The following RTN4 variants were observed in gnomAD, a reference collection of about 807,000 sequenced individuals.
The protein encoded by RTN4 is reticulon-4.
In RTN4, 32 loss-of-function variants were observed where a neutral mutation model predicts 90.4. The ratio of observed to expected loss-of-function variants is 0.35; its 90% CI spans 0.27 to 0.48. The LOEUF (loss-of-function observed/expected upper bound fraction) is 0.48. RTN4 is among the 20% of genes least tolerant of loss of function. The pLI, the probability that RTN4 is intolerant of heterozygous loss-of-function variation, is 0.99. For synonymous variants in RTN4, 629 were observed against 552.5 expected, an observed-to-expected ratio of 1.14 and a Z score of -1.94; for missense variants, 1,706 against 1,430.2, an observed-to-expected ratio of 1.19 and a Z score of -3.11.
chr2:55,100,997 A>C lies in RTN4; in HGVS notation c.-214+11523T>G, dbSNP rs115159928. ...CATATTTGTCAAGAGGAAAGTGTGA[A>C]TAAATAATGGTAAATTTATGTAATA... is the stretch of plus-strand genomic sequence containing the variant. On this transcript the variant is annotated intron_variant, in intron 1 of 3. Coordinates refer to the RTN4 transcript ENST00000427710. Among the ~76,000 whole-genome samples the C allele has an allele frequency of 6.3e-3, 952 of 152,206 alleles. 5 individuals carry two copies. The highest frequency in any genetic ancestry group is 0.011 in the Non-Finnish European group (753 of 68,006).
intron 1 of RTN4, among the ~76,000 whole-genome samples, chr2:55,107,126 G>GA (rs1459914146): frequency 2.0e-5 from 3 of 151,248 alleles, no homozygotes; most frequent in Admixed American, 2.0e-4. Context: ...AGATATTAAT[G>GA]AAACACTTCA....
chr2:55,102,819 C>T (rs1667874168), intron 1 of RTN4, among the ~76,000 whole-genome samples: 1 of 152,072 alleles, frequency 6.6e-6, no homozygotes, highest in Non-Finnish European at 1.5e-5. Context: ...CTTTATTAAT[C>T]TAAGAAGTTA....
At chr2:55,122,549 C>T in the RTN4 span, among the ~76,000 whole-genome samples, 4 of 152,134 alleles carry the variant, frequency 2.6e-5, no homozygotes, top group Non-Finnish European at 4.4e-5. Context: ...TTGTAAGTGA[C>T]GTCTGATGAG....
intron 1 of RTN4, among the ~76,000 whole-genome samples, chr2:55,082,934 G>C (rs1311292410): frequency 6.6e-6 from 1 of 152,000 alleles, no homozygotes; most frequent in Non-Finnish European, 1.5e-5. Context: ...TTGGGCAACA[G>C]AACGAGACTC....
At chr2:55,126,342 C>T in the RTN4 span, among the ~76,000 whole-genome samples, 3 of 151,390 alleles carry the variant, frequency 2.0e-5, no homozygotes, top group Non-Finnish European at 4.4e-5. Context: ...GCATTCCAGC[C>T]TGGGAAACAA....
upstream of RTN4, among the ~76,000 whole-genome samples, chr2:55,114,873 G>A (rs1375424869): frequency 6.6e-6 from 1 of 152,044 alleles, no homozygotes; most frequent in Middle Eastern, 3.2e-3. Flanking sequence ...CCCCTTGTCA[G>A]TCCCAGGTTC....
chr2:55,030,605 A>G (rs961263904), intron 1 of RTN4, among the ~76,000 whole-genome samples: 1 of 152,190 alleles, frequency 6.6e-6, no homozygotes, highest in African/African-American at 2.4e-5. Context: ...CCACCTAAAA[A>G]TGTTGTGAAG....
the RTN4 span, among the ~76,000 whole-genome samples, chr2:55,127,330 C>T: frequency 0.95 from 144,176 of 152,284 alleles, 68,364 homozygotes; most frequent in African/African-American, 0.98. Context: ...CGTTTCATTT[C>T]ACGCTTGGGC....
chr2:55,095,005 C>T (rs1669005447), intron 1 of RTN4, among the ~76,000 whole-genome samples: 1 of 152,128 alleles, frequency 6.6e-6, no homozygotes, highest in African/African-American at 2.4e-5. Flanking sequence ...CGCCATACTC[C>T]ATCCACACAA....
At chr2:54,997,336 A>C (rs1482496014) in intron 3 of RTN4, among the ~76,000 whole-genome samples, 1 of 152,188 alleles carries the variant, frequency 6.6e-6, no homozygotes, top group Non-Finnish European at 1.5e-5. Flanking sequence ...GGATGGCTAT[A>C]ATCAAAAAGA....
chr2:55,080,910 T>G (rs1232059605), intron 1 of RTN4, among the ~76,000 whole-genome samples: 1 of 152,248 alleles, frequency 6.6e-6, no homozygotes. Context: ...GCGCAATCTT[T>G]ATCTTTTGAA....
intron 5 of RTN4, among the ~76,000 whole-genome samples, chr2:54,976,783 G>T (rs1283162003): frequency 1.3e-5 from 2 of 152,190 alleles, no homozygotes; most frequent in Non-Finnish European, 2.9e-5. Flanking sequence ...ACACTTTAAA[G>T]AAGCAAACAG....
At chr2:55,035,826 A>G (rs1463639267) in intron 1 of RTN4, among the ~76,000 whole-genome samples, 2 of 152,198 alleles carry the variant, frequency 1.3e-5, no homozygotes, top group Non-Finnish European at 2.9e-5. Context: ...TAGACAACTT[A>G]GATGAGTAGA....
In RTN4 at chr2:55,025,129, T is replaced by G. The variant is rs767865946; in HGVS notation, c.2970A>C (p.Arg990Ser). ...KLPSDTEKED[R>S]SPSAIFSAEL... The stretch of plus-strand genomic sequence containing the variant: ...CTGCTGAAAATATAGCAGATGGTGA[T>G]CTGTCCTCTTTTTCTGTATCGGAAG... Residue 990 changes from arginine to serine, a missense_variant, in exon 3 of 9, where the codon AGA (arginine) becomes AGC (serine). Coordinates refer to ENST00000337526, the MANE Select transcript of RTN4 (RefSeq NM_020532.5). The G allele has an allele frequency of 1.2e-6, 2 of 1,613,250 alleles. No individual in the cohort carries two copies. Among genetic ancestry groups the G allele is most frequent in the South Asian group, 2.2e-5 (2 of 90,960 alleles).
At chr2:55,062,019 G>GCACGTCAAGAC (rs1668304840) in intron 2 of RTN4, among the ~76,000 whole-genome samples, 1 of 151,148 alleles carries the variant, frequency 6.6e-6, no homozygotes, top group Admixed American at 6.6e-5. Flanking sequence ...GACATCAAGA[G>GCACGTCAAGAC]CACGTCAAGA....
At chr2:55,106,310 C>A (rs1480095334) in intron 1 of RTN4, among the ~76,000 whole-genome samples, 1 of 152,000 alleles carries the variant, frequency 6.6e-6, no homozygotes, top group African/African-American at 2.4e-5. Flanking sequence ...CTTCCTCCCC[C>A]ATAGCTTTTC....
the RTN4 span, among the ~76,000 whole-genome samples, chr2:55,130,920 A>G: frequency 2.0e-5 from 3 of 152,224 alleles, no homozygotes; most frequent in Non-Finnish European, 4.4e-5. Flanking sequence ...GGTATTAGGA[A>G]GGTAATGAAT....
At chr2:55,073,880 G>T (rs1044349771) in intron 2 of RTN4, among the ~76,000 whole-genome samples, 2 of 152,182 alleles carry the variant, frequency 1.3e-5, no homozygotes, top group African/African-American at 4.8e-5. Context: ...CAGGACCTGA[G>T]CTCAGTTTCT....
intron 5 of RTN4, among the ~76,000 whole-genome samples, chr2:54,977,633 G>A (rs1677744175): frequency 6.6e-6 from 1 of 152,196 alleles, no homozygotes; most frequent in Non-Finnish European, 1.5e-5. Flanking sequence ...GAGCCCAGTA[G>A]GCATTGTCAT....
Sources: gnomAD v4.1 joint callset for allele counts (sites outside exome capture counted in the v4.1 genomes callset) on GRCh38, gnomAD v4.1.1 for gene constraint, MANE v1.5 for transcripts, NCBI Gene and HGNC (gene_info 2026-07-23, HGNC 2026-07-21) for gene names.